Variants in UNC13C observed in about 807,000 individuals in gnomAD.
The protein encoded by UNC13C is protein unc-13 homolog C.
Under a neutral mutation model 245.4 loss-of-function variants are expected in UNC13C, and 174 were observed. That is an observed-to-expected ratio of 0.71 (90% CI 0.63 to 0.80). UNC13C has a LOEUF of 0.80. Among genes scored for constraint, UNC13C ranks in the 30% least tolerant of loss-of-function variants. The pLI is 0.00. For synonymous variants in UNC13C, 992 were observed against 895.1 expected, an observed-to-expected ratio of 1.11 and a Z score of -1.93; for missense variants, 2,829 against 2,602.9, an observed-to-expected ratio of 1.09 and a Z score of -1.89.
At chr15:54,208,887 T>C (rs533561829) in intron 4 of UNC13C, among the ~76,000 whole-genome samples, 1 of 152,302 alleles carries the variant, frequency 6.6e-6, no homozygotes, top group South Asian at 2.1e-4. Context: ...TTATCCCATT[T>C]GTCAACACAG....
chr15:54,056,432 C>G (rs1475472647), intron 2 of UNC13C, among the ~76,000 whole-genome samples: 2 of 152,150 alleles, frequency 1.3e-5, no homozygotes, highest in African/African-American at 4.8e-5. Context: ...AAGAAATGCA[C>G]AAAGCCTCCA....
intron 19 of UNC13C, among the ~76,000 whole-genome samples, chr15:54,426,684 C>G (rs66493053): frequency 0.26 from 40,020 of 151,418 alleles, 5,515 homozygotes; most frequent in African/African-American, 0.34. Context: ...GGCTGCCTAC[C>G]ATGGAGTGTT....
Position 54,510,422 on chromosome 15 carries a change from C to T in UNC13C, c.5380-1331C>T, listed in dbSNP as rs149676526. On this transcript the variant is annotated intron_variant, in intron 23 of 32. Transcript: ENST00000260323. Reference sequence around the variant, plus strand: ...TACTCACTATGGAAAGGACTAAGCCCAGATCAAGTAGTTCTCACTTATGGC... The same window carrying T: ...TACTCACTATGGAAAGGACTAAGCCTAGATCAAGTAGTTCTCACTTATGGC... Among the ~76,000 whole-genome samples, 497 of 151,486 alleles carry T rather than the reference C, an allele frequency of 3.3e-3. 1 individual carries two copies. Among genetic ancestry groups the T allele is most frequent in the Non-Finnish European group, 5.2e-3 (351 of 67,994 alleles).
At chr15:53,905,872 A>G in the UNC13C span, among the ~76,000 whole-genome samples, 4 of 152,274 alleles carry the variant, frequency 2.6e-5, no homozygotes, top group African/African-American at 7.2e-5. Context: ...ACATCACTTC[A>G]TATATCTTAA....
chr15:54,000,962 A>T (rs1266977552), intron 1 of UNC13C, among the ~76,000 whole-genome samples: 7 of 152,182 alleles, frequency 4.6e-5, no homozygotes, highest in Non-Finnish European at 8.8e-5. Context: ...AATACAAAAA[A>T]ATTTTTTTAG....
At chr15:54,553,260 G>T (rs1263487722) in intron 28 of UNC13C, among the ~76,000 whole-genome samples, 2 of 102,764 alleles carry the variant, frequency 1.9e-5, no homozygotes, top group Non-Finnish European at 3.7e-5. Flanking sequence ...ATTATATATT[G>T]TATTCTATAT....
intron 2 of UNC13C, among the ~76,000 whole-genome samples, chr15:54,140,936 A>T (rs2031988722): frequency 6.6e-6 from 1 of 152,228 alleles, no homozygotes; most frequent in Non-Finnish European, 1.5e-5. Context: ...CTGGCCATAA[A>T]TATGTGTTCA....
At chr15:54,003,620 C>T (rs1213035746) in intron 1 of UNC13C, among the ~76,000 whole-genome samples, 1 of 152,172 alleles carries the variant, frequency 6.6e-6, no homozygotes, top group Non-Finnish European at 1.5e-5. Flanking sequence ...GTGTAATAAT[C>T]ACAGTGAATA....
At chr15:53,942,513 T>C in the UNC13C span, among the ~76,000 whole-genome samples, 1 of 150,472 alleles carries the variant, frequency 6.6e-6, no homozygotes, top group African/African-American at 2.5e-5. Flanking sequence ...TGTTTACCTA[T>C]GTAAAAAACC....
At chr15:54,020,912 AG>A (rs1299592068) in intron 2 of UNC13C, among the ~76,000 whole-genome samples, 1 of 152,172 alleles carries the variant, frequency 6.6e-6, no homozygotes, top group Non-Finnish European at 1.5e-5. Flanking sequence ...TAATAGTAGA[AG>A]GCAACTTATT....
chr15:54,556,635 A>G (rs767481642), intron 29 of UNC13C, among the ~76,000 whole-genome samples: 17 of 152,066 alleles, frequency 1.1e-4, no homozygotes, highest in Non-Finnish European at 2.2e-4. Context: ...AAAAAGAAAT[A>G]CAATAAAAAA....
intron 19 of UNC13C, among the ~76,000 whole-genome samples, chr15:54,469,596 G>A (rs2141040274): frequency 6.6e-6 from 1 of 151,594 alleles, no homozygotes; most frequent in Non-Finnish European, 1.5e-5. Context: ...ATAAAATCCT[G>A]TCTAGTTTAC....
At chr15:54,152,399 C>T (rs544450086) in intron 4 of UNC13C, among the ~76,000 whole-genome samples, 53 of 152,150 alleles carry the variant, frequency 3.5e-4, no homozygotes, top group Non-Finnish European at 5.7e-4. Context: ...GTTCAATTTG[C>T]TTATTCAACA....
At chr15:53,940,783 A>C in the UNC13C span, among the ~76,000 whole-genome samples, 433 of 152,298 alleles carry the variant, frequency 2.8e-3, no homozygotes, top group Non-Finnish European at 5.1e-3. Flanking sequence ...CCTATTCAAG[A>C]AGAACTACAA....
intron 2 of UNC13C, among the ~76,000 whole-genome samples, chr15:54,029,047 T>C (rs1276517384): frequency 6.6e-6 from 1 of 152,220 alleles, no homozygotes; most frequent in Admixed American, 6.5e-5. Context: ...AGAAGCCAAA[T>C]GCTACAGTTA....
At chr15:54,316,596 G>A (rs2038015404) in intron 13 of UNC13C, among the ~76,000 whole-genome samples, 1 of 151,844 alleles carries the variant, frequency 6.6e-6, no homozygotes, top group Non-Finnish European at 1.5e-5. Flanking sequence ...TCCCCCAGCA[G>A]TCTATAAGCA....
chr15:53,872,669 A>G, the UNC13C span, among the ~76,000 whole-genome samples: 9 of 152,256 alleles, frequency 5.9e-5, no homozygotes, highest in East Asian at 1.7e-3. Context: ...CTACAGCTCA[A>G]TTAATTCTCA....
chr15:54,190,441 T>C lies in UNC13C; in HGVS notation c.3072-44589T>C, dbSNP rs74400732. Among the ~76,000 whole-genome samples, 920 of 152,232 alleles carry C rather than the reference T, an allele frequency of 6.0e-3. 56 individuals are homozygous for C. In the East Asian group the frequency reaches 0.11, roughly 18 times the overall value. On this transcript the variant is annotated intron_variant, in intron 4 of 32. Coordinates refer to ENST00000260323, the MANE Select transcript of UNC13C (RefSeq NM_001080534.3). ...CTTTACCCATTTAATTTTGTATCTT[T>C]TTAGTGATGTTCTATGTACATCAAG...
At chr15:54,147,812 A>ATG (rs1420702432) in intron 4 of UNC13C, among the ~76,000 whole-genome samples, 6 of 52,358 alleles carry the variant, frequency 1.1e-4, no homozygotes, top group African/African-American at 3.5e-4. Flanking sequence ...GTGTGTGTGT[A>ATG]TGTGTGTGTC....
Sources: gnomAD v4.1 joint callset for allele counts (sites outside exome capture counted in the v4.1 genomes callset) on GRCh38, gnomAD v4.1.1 for gene constraint, MANE v1.5 for transcripts, NCBI Gene and HGNC (gene_info 2026-07-23, HGNC 2026-07-21) for gene names.